Variants in TRAM1 observed in about 807,000 individuals in gnomAD.
The protein encoded by TRAM1 is translocating chain-associated membrane protein 1.
In TRAM1, 17 loss-of-function variants were observed where a neutral mutation model predicts 48.7. The ratio of observed to expected loss-of-function variants is 0.35; its 90% CI spans 0.24 to 0.52. The LOEUF is 0.52. TRAM1 is among the 20% of genes least tolerant of loss of function. The pLI is 0.94. For synonymous variants in TRAM1, 182 were observed against 154.0 expected (o/e 1.18, Z -1.34); for missense variants, 351 against 441.5 (o/e 0.79, Z 1.84).
At chr8:70,607,255 G>T in intron 1 of TRAM1, 1 of 984,928 alleles carries the variant, frequency 1.0e-6, no homozygotes, top group Non-Finnish European at 1.2e-6. Flanking sequence ...TAGATACGTG[G>T]GAAGAGAATT....
chr8:70,596,595 C>A (rs1231217097), intron 4 of TRAM1, among the ~76,000 whole-genome samples: 1 of 151,956 alleles, frequency 6.6e-6, no homozygotes. Context: ...AATAAAAATA[C>A]ACGTACACAA....
chr8:70,573,385 G>T lies in TRAM1; in HGVS notation c.*1547C>A, dbSNP rs761502419. The T allele has an allele frequency of 7.9e-5, 12 of 152,526 alleles. No individual in the cohort carries two copies. The highest frequency in any genetic ancestry group is 3.3e-4 in the Admixed American group (5 of 15,270). 9.4% of individuals were successfully genotyped at this position (152,526 alleles called of 1,614,324 possible). The stretch of plus-strand genomic sequence containing the variant: ...TTTTAAATATGGTACATTTTAATGA[G>T]GTTATATACCAAAATAGCCTAAACA... On this transcript the variant is annotated 3_prime_UTR_variant, in exon 11 of 11. Transcript: ENST00000262213.
At chr8:70,581,656 A>G (rs1169552425) in intron 10 of TRAM1, among the ~76,000 whole-genome samples, 2 of 152,246 alleles carry the variant, frequency 1.3e-5, no homozygotes, top group African/African-American at 4.8e-5. Context: ...AAAAACTTGC[A>G]CCTAAATGTT....
chr8:70,606,086 C>A (rs1179536933), intron 1 of TRAM1, among the ~76,000 whole-genome samples: 1 of 152,120 alleles, frequency 6.6e-6, no homozygotes, highest in Non-Finnish European at 1.5e-5. Flanking sequence ...TGGTTTATGA[C>A]AAGTTACAGA....
intron 1 of TRAM1, among the ~76,000 whole-genome samples, chr8:70,604,719 A>T (rs912169014): frequency 6.6e-6 from 1 of 152,140 alleles, no homozygotes; most frequent in African/African-American, 2.4e-5. Flanking sequence ...ACGTCCCCAA[A>T]ATCTGTATGG....
Position 70,608,347 on chromosome 8 carries a change from G to T in TRAM1, c.-148C>A. 2.0e-6 allele frequency: 2 copies of T among 984,098 alleles called. No individual in the cohort carries two copies. Among genetic ancestry groups the T allele is most frequent in the Non-Finnish European group, 2.7e-6 (2 of 729,500 alleles). The allele number at this position is 984,098 out of a possible 1,614,324, so 61.0% of individuals were successfully genotyped here. A position where few individuals can be genotyped will look rare whatever the true frequency, so the allele number is the denominator to read the frequency against. ...GGCTTCACTTCCCATCCCACAGCCAGTACGCAGCCGCCGGGCCGCCCGGGG... is the reference window on the plus strand; with the variant it reads ...GGCTTCACTTCCCATCCCACAGCCATTACGCAGCCGCCGGGCCGCCCGGGG... On this transcript the variant is annotated 5_prime_UTR_variant, in exon 1 of 11. It adds an upstream start codon to the 5' untranslated region. Coordinates refer to ENST00000262213, the MANE Select transcript of TRAM1 (RefSeq NM_014294.6).
intron 8 of TRAM1, 141 bp downstream of exon 8, chr8:70,586,754 G>T: frequency 1.5e-6 from 1 of 658,184 alleles, no homozygotes; most frequent in Non-Finnish European, 2.6e-6. Context: ...AGTCTGAATT[G>T]CTAAATAATT....
chr8:70,580,886 T>C (rs1474593407), intron 10 of TRAM1, among the ~76,000 whole-genome samples: 1 of 152,230 alleles, frequency 6.6e-6, no homozygotes, highest in Non-Finnish European at 1.5e-5. Flanking sequence ...TGGTTCTATT[T>C]TACAACAGCA....
At chr8:70,600,368 T>C (rs971246002) in intron 1 of TRAM1, among the ~76,000 whole-genome samples, 1 of 152,198 alleles carries the variant, frequency 6.6e-6, no homozygotes, top group African/African-American at 2.4e-5. Flanking sequence ...TGACAAATGA[T>C]GATTCTCTAC....
Position 70,577,672 on chromosome 8 carries a change from G to A in TRAM1, c.1052-2667C>T, listed in dbSNP as rs117528844. 1.0e-3 allele frequency among the ~76,000 whole-genome samples: 153 copies of A among 152,334 alleles called. 4 individuals carry two copies. In the East Asian group the frequency reaches 0.016, roughly 16 times the overall value. ...ACTGAAAGGGCTATAGCACAAACAA[G>A]GCTGAAACATGCCCCTCTGCTCACC... On this transcript the variant is annotated intron_variant, in intron 10 of 10. Transcript: ENST00000262213.
In TRAM1 at chr8:70,598,877, C is replaced by T. The variant is rs541652680; in HGVS notation, c.188-622G>A. 2.6e-5 allele frequency among the ~76,000 whole-genome samples: 4 copies of T among 152,284 alleles called. No homozygotes were observed. In the South Asian group the frequency reaches 8.3e-4, roughly 32 times the overall value. On this transcript the variant is annotated intron_variant, in intron 2 of 10. Coordinates refer to ENST00000262213, the MANE Select transcript of TRAM1 (RefSeq NM_014294.6). ...ATAAAAGAGCTTTATTCTTCTCTGG[C>T]ATATTCAAATTTCAAAACAGTATTG...
At chr8:70,602,391 G>A (rs1431019434) in intron 1 of TRAM1, among the ~76,000 whole-genome samples, 1 of 152,162 alleles carries the variant, frequency 6.6e-6, no homozygotes, top group East Asian at 1.9e-4. Flanking sequence ...GGAAAAGGGA[G>A]AAGTTAAACA....
chr8:70,578,576 T>C (rs959497801), intron 10 of TRAM1, among the ~76,000 whole-genome samples: 1 of 152,194 alleles, frequency 6.6e-6, no homozygotes, highest in African/African-American at 2.4e-5. Flanking sequence ...GAGGCTGCAG[T>C]GAGCCAAGAT....
chr8:70,583,539 G>A, intron 9 of TRAM1, 111 bp downstream of exon 9: 2 of 1,430,074 alleles, frequency 1.4e-6, no homozygotes, highest in Non-Finnish European at 1.9e-6. Flanking sequence ...AATCAAATGA[G>A]TATTTTCCCC....
In TRAM1 at chr8:70,598,125, C is replaced by T. The variant is rs1463776014; in HGVS notation, c.309+9G>A. ...TATAAAGTATAGATTTCTAAGACTG[C>T]ATACTTACATCCAACATATACTCTT... On this transcript the variant is annotated intron_variant, in intron 3 of 10. Coordinates refer to ENST00000262213, the MANE Select transcript of TRAM1 (RefSeq NM_014294.6). 6.2e-7 allele frequency: 1 copy of T among 1,609,180 alleles called. No homozygotes were observed.
chr8:70,594,556 C>A lies in TRAM1; in HGVS notation c.520G>T (p.Ala174Ser). 6.3e-7 allele frequency: 1 copy of A among 1,599,814 alleles called. No homozygotes were observed. Among genetic ancestry groups the A allele is most frequent in the Non-Finnish European group, 8.5e-7 (1 of 1,173,060 alleles). Residue 174 changes from alanine (A) to serine (S), a missense_variant, in exon 6 of 11, where the codon GCT (alanine) becomes TCT (serine). Coordinates refer to ENST00000262213, the MANE Select transcript of TRAM1 (RefSeq NM_014294.6). ...QMKFFYISQL[A>S]YWLHAFPELY... ...TCAGGAAAAGCATGAAGCCAGTAAGCCAGCTGTGATATGTAGAAAAACTTC... is the reference window on the plus strand; with the variant it reads ...TCAGGAAAAGCATGAAGCCAGTAAGACAGCTGTGATATGTAGAAAAACTTC...
intron 6 of TRAM1, chr8:70,587,580 T>C (rs1043772296): frequency 6.1e-6 from 1 of 163,484 alleles, no homozygotes; most frequent in Middle Eastern, 3.0e-3. Context: ...TGGCTCTTTT[T>C]TCTAATGTGT....
chr8:70,574,162 A>ATAAAC lies in TRAM1; in HGVS notation c.*765_*769dup, dbSNP rs1472630167. On this transcript the variant is annotated 3_prime_UTR_variant, in exon 11 of 11. Coordinates refer to ENST00000262213, the MANE Select transcript of TRAM1 (RefSeq NM_014294.6). Reference sequence around the variant, plus strand: ...TGAGCCCCATTAAGAATCATTATTAATAAACATATCAAAAAGGGCTATATG... The same window carrying ATAAAC: ...TGAGCCCCATTAAGAATCATTATTAATAAACTAAACATATCAAAAAGGGCTATATG... 5.3e-6 allele frequency: 2 copies of ATAAAC among 380,418 alleles called. No individual in the cohort carries two copies. The allele number at this position is 380,418 out of a possible 1,614,324, so 23.6% of individuals were successfully genotyped here.
chr8:70,607,858 G>T, intron 1 of TRAM1: 1 of 431,958 alleles, frequency 2.3e-6, no homozygotes, highest in Non-Finnish European at 3.8e-6. Flanking sequence ...GGGCCGCGAT[G>T]AGGCCCACCG....
Sources: gnomAD v4.1 joint callset for allele counts (sites outside exome capture counted in the v4.1 genomes callset) on GRCh38, gnomAD v4.1.1 for gene constraint, MANE v1.5 for transcripts, NCBI Gene and HGNC (gene_info 2026-07-23, HGNC 2026-07-21) for gene names.